The following STK33 variants were observed in gnomAD, a reference collection of about 807,000 sequenced individuals.
STK33 encodes the protein serine/threonine-protein kinase 33.
STK33 carries 52 observed loss-of-function variants against 58.0 expected under a neutral mutation model. That is an observed-to-expected ratio of 0.90 (90% CI 0.72 to 1.13). STK33 has a LOEUF of 1.13. Ranked by LOEUF, STK33 falls within the 50% of genes most tolerant of loss-of-function variation. The pLI, the probability that STK33 is intolerant of heterozygous loss-of-function variation, is 0.00. For missense variants in STK33, 630 were observed against 604.2 expected (o/e 1.04, Z -0.45); for synonymous variants, 215 against 200.1 (o/e 1.07, Z -0.63).
chr11:8,430,000 T>C (rs1169679758), intron 14 of STK33, among the ~76,000 whole-genome samples: 1 of 152,144 alleles, frequency 6.6e-6, no homozygotes, highest in African/African-American at 2.4e-5. Flanking sequence ...TCCACTCACA[T>C]AACGCTCCAA....
intron 1 of STK33, among the ~76,000 whole-genome samples, chr11:8,483,126 A>C (rs986757382): frequency 6.6e-6 from 1 of 152,146 alleles, no homozygotes; most frequent in African/African-American, 2.4e-5. Context: ...TGCTTTAAAA[A>C]TCATTATTAC....
intron 1 of STK33, among the ~76,000 whole-genome samples, chr11:8,490,289 C>A (rs1451970803): frequency 3.3e-5 from 5 of 152,224 alleles, no homozygotes; most frequent in African/African-American, 1.2e-4. Context: ...TGGATAGGTC[C>A]TACGCCTATG....
At chr11:8,444,277 T>C (rs1388437836) in intron 11 of STK33, among the ~76,000 whole-genome samples, 1 of 152,176 alleles carries the variant, frequency 6.6e-6, no homozygotes, top group Non-Finnish European at 1.5e-5. Flanking sequence ...TTTTTTCTCA[T>C]TTAATTCTCA....
At chr11:8,359,697 G>C in the STK33 span, among the ~76,000 whole-genome samples, 1 of 152,232 alleles carries the variant, frequency 6.6e-6, no homozygotes, top group Non-Finnish European at 1.5e-5. Flanking sequence ...GGCCGGGACA[G>C]CACTGCCCTG....
chr11:8,348,066 G>A, the STK33 span, among the ~76,000 whole-genome samples: 1 of 152,182 alleles, frequency 6.6e-6, no homozygotes, highest in Admixed American at 6.5e-5. Context: ...AACCCCATCT[G>A]GGTGACTGAC....
At chr11:8,490,485 G>A (rs1950528367) in intron 1 of STK33, among the ~76,000 whole-genome samples, 1 of 152,138 alleles carries the variant, frequency 6.6e-6, no homozygotes, top group South Asian at 2.1e-4. Context: ...CACGTCTGGG[G>A]GCAGGGCATA....
chr11:8,564,870 C>T (rs908245830), intron 1 of STK33, among the ~76,000 whole-genome samples: 3 of 152,126 alleles, frequency 2.0e-5, no homozygotes, highest in African/African-American at 7.2e-5. Flanking sequence ...TGTCCTCATC[C>T]CTTCAAAAAC....
chr11:8,488,454 G>A (rs1382515194), intron 1 of STK33, among the ~76,000 whole-genome samples: 1 of 152,010 alleles, frequency 6.6e-6, no homozygotes, highest in Non-Finnish European at 1.5e-5. Flanking sequence ...TGACCTGGAA[G>A]CTCTGCACAA....
intron 1 of STK33, among the ~76,000 whole-genome samples, chr11:8,553,225 GGTGTGT>G (rs1956481863): frequency 1.5e-5 from 1 of 67,538 alleles, no homozygotes; most frequent in African/African-American, 6.4e-5. Context: ...ATATATATAT[GGTGTGT>G]ATATATATAT....
At chr11:8,569,945 T>A (rs1259166275) in intron 1 of STK33, among the ~76,000 whole-genome samples, 1 of 151,842 alleles carries the variant, frequency 6.6e-6, no homozygotes, top group African/African-American at 2.4e-5. Flanking sequence ...TGAGACCCTG[T>A]CTCAAAAAAA....
At chr11:8,400,956 A>G (rs376882016) in intron 15 of STK33, among the ~76,000 whole-genome samples, 29,240 of 151,952 alleles carry the variant, frequency 0.19, 3,155 homozygotes, top group African/African-American at 0.29. Flanking sequence ...CCACTGCTCA[A>G]TGAAATAAAA....
At chr11:8,420,097 C>T (rs1425825144) in intron 14 of STK33, among the ~76,000 whole-genome samples, 6 of 151,986 alleles carry the variant, frequency 3.9e-5, no homozygotes, top group Admixed American at 2.0e-4. Flanking sequence ...TGTGAGCCAC[C>T]GTGCCCAGCC....
chr11:8,436,503 T>C (rs963523386), intron 12 of STK33, among the ~76,000 whole-genome samples: 2 of 151,584 alleles, frequency 1.3e-5, no homozygotes, highest in Non-Finnish European at 2.9e-5. Flanking sequence ...ATACAGGAGA[T>C]ACACTTTGGA....
chr11:8,464,923 T>A, intron 6 of STK33, 101 bp from the exon 7 acceptor site: 1 of 695,526 alleles, frequency 1.4e-6, no homozygotes, highest in Non-Finnish European at 2.4e-6. Context: ...GAAAAGAGAT[T>A]CTGCTCCAAG....
chr11:8,503,290 A>G (rs1191043775), intron 1 of STK33, among the ~76,000 whole-genome samples: 1 of 152,224 alleles, frequency 6.6e-6, no homozygotes, highest in South Asian at 2.1e-4. Flanking sequence ...CACAGCCATA[A>G]AAAAGAATAA....
At chr11:8,390,964 A>C (rs1564829342), downstream of STK33, among the ~76,000 whole-genome samples, 1 of 152,236 alleles carries the variant, frequency 6.6e-6, no homozygotes, top group Non-Finnish European at 1.5e-5. Flanking sequence ...AGGCAGAATC[A>C]AAGCCACCAT....
At chr11:8,439,403 C>A (rs1944440082) in intron 12 of STK33, among the ~76,000 whole-genome samples, 1 of 152,032 alleles carries the variant, frequency 6.6e-6, no homozygotes, top group Non-Finnish European at 1.5e-5. Flanking sequence ...TGTAAACCTT[C>A]CTGGTTAAAT....
At chr11:8,493,812 T>A (rs527509169) in intron 1 of STK33, among the ~76,000 whole-genome samples, 28 of 152,296 alleles carry the variant, frequency 1.8e-4, no homozygotes, top group African/African-American at 6.3e-4. Context: ...TCACTATATG[T>A]AATCCATCAC....
intron 6 of STK33, among the ~76,000 whole-genome samples, chr11:8,469,762 T>C (rs753935265): frequency 1.8e-4 from 27 of 152,234 alleles, no homozygotes; most frequent in Non-Finnish European, 3.8e-4. Flanking sequence ...ATGAATGTTG[T>C]GTTAGCAGGC....
Sources: gnomAD v4.1 joint callset for allele counts (sites outside exome capture counted in the v4.1 genomes callset) on GRCh38, gnomAD v4.1.1 for gene constraint, MANE v1.5 for transcripts, NCBI Gene and HGNC (gene_info 2026-07-23, HGNC 2026-07-21) for gene names.